ST8SIA1: variants seen among roughly 807,000 people sequenced by gnomAD.
ST8SIA1 encodes the protein ST8 alpha-N-acetyl-neuraminide alpha-2,8-sialyltransferase 1.
In ST8SIA1, 16 loss-of-function variants were observed where a neutral mutation model predicts 35.9. The ratio of observed to expected loss-of-function variants is 0.45; its 90% CI spans 0.30 to 0.68. The LOEUF is 0.68. ST8SIA1 is among the 30% of genes least tolerant of loss of function. ST8SIA1 has a pLI of 0.09. For synonymous variants in ST8SIA1, 170 were observed against 169.6 expected (o/e 1.00, Z -0.02); for missense variants, 383 against 453.6 (o/e 0.84, Z 1.41).
intron 1 of ST8SIA1, among the ~76,000 whole-genome samples, chr12:22,318,747 C>G (rs558783801): frequency 1.3e-5 from 2 of 152,278 alleles, no homozygotes; most frequent in African/African-American, 4.8e-5. Flanking sequence ...TTCACCTATA[C>G]AAAATGAAAT....
intron 1 of ST8SIA1, among the ~76,000 whole-genome samples, chr12:22,298,455 T>C (rs1866274249): frequency 6.6e-6 from 1 of 152,178 alleles, no homozygotes; most frequent in African/African-American, 2.4e-5. Context: ...CACCACAGAA[T>C]CAATTGCTTT....
intron 1 of ST8SIA1, among the ~76,000 whole-genome samples, chr12:22,326,964 C>T (rs1242257079): frequency 2.6e-5 from 4 of 152,138 alleles, no homozygotes; most frequent in African/African-American, 9.7e-5. Flanking sequence ...ACATTCTATA[C>T]TAACTTACAT....
intron 4 of ST8SIA1, among the ~76,000 whole-genome samples, chr12:22,215,485 CT>C (rs1217757339): frequency 1.3e-5 from 2 of 152,114 alleles, no homozygotes; most frequent in East Asian, 3.9e-4. Flanking sequence ...TTGGGAAGAG[CT>C]ATGAAGAGAA....
At chr12:22,238,992 C>A (rs2120719823) in intron 4 of ST8SIA1, among the ~76,000 whole-genome samples, 1 of 152,276 alleles carries the variant, frequency 6.6e-6, no homozygotes, top group Admixed American at 6.5e-5. Context: ...GCAGAATATA[C>A]ATTTCTATGT....
rs568507278 is a variant in ST8SIA1 at position 22,264,632 on chromosome 12, G to GA, written c.382-9244dup. Reference sequence around the variant, plus strand: ...TGGTAATTAGTTCAATTATTTCAGAGAAAAAAAACTTCTCATTATAGGTAC... The same window carrying GA: ...TGGTAATTAGTTCAATTATTTCAGAGAAAAAAAAACTTCTCATTATAGGTAC... On this transcript the variant is annotated intron_variant, in intron 2 of 4. Coordinates refer to ENST00000396037, the MANE Select transcript of ST8SIA1 (RefSeq NM_003034.4). Among the ~76,000 whole-genome samples the GA allele has an allele frequency of 2.1e-3, 305 of 148,100 alleles. 4 individuals are homozygous for GA. The highest frequency in any genetic ancestry group is 7.5e-3 in the African/African-American group (287 of 38,266).
intron 2 of ST8SIA1, among the ~76,000 whole-genome samples, chr12:22,285,871 C>CAAAA (rs1264234503): frequency 4.2e-5 from 4 of 94,950 alleles, no homozygotes; most frequent in Non-Finnish European, 5.9e-5. Context: ...AAGACTCTGT[C>CAAAA]AAAAACAAAA....
chr12:22,237,467 AT>A (rs1166085339), intron 4 of ST8SIA1, among the ~76,000 whole-genome samples: 5 of 148,904 alleles, frequency 3.4e-5, no homozygotes, highest in Non-Finnish European at 5.9e-5. Context: ...GAAAATGTTG[AT>A]TTTTTTTCCT....
intron 4 of ST8SIA1, chr12:22,223,645 G>C: frequency 1.7e-6 from 2 of 1,149,444 alleles, no homozygotes; most frequent in Non-Finnish European, 2.2e-6. Context: ...ACGTGGCAGG[G>C]ATTCTGATTC....
chr12:22,225,386 T>G (rs79135822), intron 4 of ST8SIA1, among the ~76,000 whole-genome samples: 2,635 of 152,206 alleles, frequency 0.017, 55 homozygotes, highest in Admixed American at 0.069. Context: ...TGGATCCTAG[T>G]AGGCATGTGA....
At chr12:22,289,031 C>T (rs1481724080) in intron 1 of ST8SIA1, among the ~76,000 whole-genome samples, 1 of 152,126 alleles carries the variant, frequency 6.6e-6, no homozygotes, top group Non-Finnish European at 1.5e-5. Context: ...CAGGCATGTG[C>T]CACCATGCCT....
rs77372697 is a variant in ST8SIA1 at position 22,315,648 on chromosome 12, G to A, written c.236+18349C>T. The stretch of plus-strand genomic sequence containing the variant: ...ACCGAGAACCTATAGTGAAGGGCAA[G>A]AGGAGAATATGCAGCAGCAAACCTT... On this transcript the variant is annotated intron_variant, in intron 1 of 4. Transcript: ENST00000396037. 5.2e-3 allele frequency among the ~76,000 whole-genome samples: 797 copies of A among 151,870 alleles called. 21 individuals are homozygous for A. The East Asian group carries it at 0.089, about 17-fold the overall frequency.
Position 22,198,356 on chromosome 12 carries a change from T to G in ST8SIA1, c.*3196A>C, listed in dbSNP as rs1865012153. On this transcript the variant is annotated 3_prime_UTR_variant, in exon 5 of 5. Transcript: ENST00000396037. ...ATCAAATCTGGAAAAGTACCAGGCC[T>G]AATTCTGAAGGTCTTAATTTCAGAT... is the stretch of plus-strand genomic sequence containing the variant. 1 of 152,144 alleles carries G rather than the reference T, an allele frequency of 6.6e-6. No individual in the cohort carries two copies. Among genetic ancestry groups the G allele is most frequent in the South Asian group, 2.1e-4 (1 of 4,822 alleles). 9.4% of individuals were successfully genotyped at this position (152,144 alleles called of 1,614,324 possible). A position where few individuals can be genotyped will look rare whatever the true frequency, so the allele number is the denominator to read the frequency against.
chr12:22,297,635 T>A (rs1318529488), intron 1 of ST8SIA1, among the ~76,000 whole-genome samples: 1 of 152,110 alleles, frequency 6.6e-6, no homozygotes, highest in African/African-American at 2.4e-5. Flanking sequence ...GCACAGAATA[T>A]CAGCATTTCA....
chr12:22,214,062 A>C (rs1408466024), intron 4 of ST8SIA1, among the ~76,000 whole-genome samples: 1 of 152,226 alleles, frequency 6.6e-6, no homozygotes, highest in Non-Finnish European at 1.5e-5. Flanking sequence ...CTATTATCCA[A>C]ATTTGAACAT....
intron 4 of ST8SIA1, among the ~76,000 whole-genome samples, chr12:22,225,623 G>A (rs1400665757): frequency 6.6e-6 from 1 of 152,132 alleles, no homozygotes; most frequent in Non-Finnish European, 1.5e-5. Flanking sequence ...ACAAACTTAT[G>A]GTTATATAAC....
intron 4 of ST8SIA1, among the ~76,000 whole-genome samples, chr12:22,208,444 C>T (rs934116249): frequency 4.0e-5 from 6 of 151,868 alleles, no homozygotes; most frequent in African/African-American, 1.5e-4. Context: ...TACAATAAAA[C>T]AAAAATTTCA....
At chr12:22,224,636 T>G (rs1184624373) in intron 4 of ST8SIA1, among the ~76,000 whole-genome samples, 1 of 152,204 alleles carries the variant, frequency 6.6e-6, no homozygotes, top group East Asian at 1.9e-4. Context: ...GATTTTATGT[T>G]TTTGACAAGA....
chr12:22,203,883 G>A (rs17702101), intron 4 of ST8SIA1, among the ~76,000 whole-genome samples: 1,939 of 152,238 alleles, frequency 0.013, 23 homozygotes, highest in Middle Eastern at 0.041. Flanking sequence ...GAATAACCCA[G>A]AGAGTTCACT....
intron 1 of ST8SIA1, among the ~76,000 whole-genome samples, chr12:22,314,325 G>GC (rs1218916993): frequency 7.2e-5 from 11 of 152,110 alleles, no homozygotes; most frequent in African/African-American, 2.4e-4. Context: ...AAGAAAGCCA[G>GC]CCAGTATGCC....
Sources: allele counts gnomAD v4.1 joint callset (sites outside exome capture counted in the v4.1 genomes callset), GRCh38; gene constraint gnomAD v4.1.1; transcripts MANE v1.5; gene names NCBI Gene and HGNC (gene_info 2026-07-23, HGNC 2026-07-21).